Variants in MELTF observed in about 807,000 individuals in gnomAD.
MELTF encodes the protein antigen p97 (melanoma associated) identified by monoclonal antibodies 133.2 and 96.5.
In MELTF, 67 loss-of-function variants were observed where a neutral mutation model predicts 83.7. That is an observed-to-expected ratio of 0.80 (90% CI 0.66 to 0.98). MELTF has a LOEUF of 0.98. Among genes scored for constraint, MELTF ranks in the 50% least tolerant of loss-of-function variants. The pLI is 0.00. For synonymous variants in MELTF, 462 were observed against 447.6 expected (o/e 1.03, Z -0.41); for missense variants, 1,002 against 1,035.6 (o/e 0.97, Z 0.44).
In MELTF at chr3:197,006,078, A is replaced by G. The variant is rs1231791309; in HGVS notation, c.1938+471T>C. Reference sequence around the variant, plus strand: ...TACTAAAAAATAGAAAAAATTAGCCAGGCATGGTGGCGGGTGCCTGTAGTC... The same window carrying G: ...TACTAAAAAATAGAAAAAATTAGCCGGGCATGGTGGCGGGTGCCTGTAGTC... On this transcript the variant is annotated intron_variant, in intron 14 of 15. Transcript: ENST00000296350. The surrounding 1 kb of genome is among the most constrained non-coding windows in gnomAD (Gnocchi z 5.4). Among the ~76,000 whole-genome samples the G allele has an allele frequency of 6.6e-6, 1 of 152,094 alleles. No homozygotes were observed.
chr3:197,012,561 T>C (rs1719227580), intron 9 of MELTF, among the ~76,000 whole-genome samples: 1 of 152,254 alleles, frequency 6.6e-6, no homozygotes, highest in Non-Finnish European at 1.5e-5. Context: ...GGCCTGTGCT[T>C]GGGGACCCCC....
chr3:197,015,111 C>T (rs1402962072), intron 9 of MELTF, among the ~76,000 whole-genome samples: 1 of 152,206 alleles, frequency 6.6e-6, no homozygotes, highest in African/African-American at 2.4e-5. Flanking sequence ...CTCCCAGGCT[C>T]TCCAGGGGAC....
Position 197,006,598 on chromosome 3 carries a change from C to T in MELTF, c.1889G>A (p.Arg630Gln), listed in dbSNP as rs200627482. The T allele has an allele frequency of 1.1e-4, 185 of 1,613,018 alleles. 1 individual carries two copies. Among genetic ancestry groups the T allele is most frequent in the Admixed American group, 8.7e-4 (52 of 59,926 alleles). Reference sequence around the variant, plus strand: ...CACGGTGAAGATGTTGGTGTCGGGCCGGACCATCACGGCGTGGGGTGGTAT... The same window carrying T: ...CACGGTGAAGATGTTGGTGTCGGGCTGGACCATCACGGCGTGGGGTGGTAT... ...AQIPPHAVMV[R>Q]PDTNIFTVYG... The change falls in exon 14 of 16, where the codon CGG (arginine) becomes CAG (glutamine). Residue 630 changes from arginine to glutamine, a missense_variant. Physicochemically the swap from Arg to Gln is conservative, Grantham distance 43. Transcript: ENST00000296350. This position sits in a 1 kb window ranked among gnomAD's most constrained non-coding sequence, Gnocchi z 5.4.
intron 1 of MELTF, chr3:197,028,797 G>A (rs1719964966): frequency 6.5e-6 from 1 of 152,808 alleles, no homozygotes; most frequent in South Asian, 2.1e-4. Flanking sequence ...CTGTGCAGGA[G>A]GGAGGGAAAC....
At position 197,029,737 on chromosome 3, in the gene MELTF, C is replaced by T; in HGVS notation, c.-35G>A. On this transcript the variant is annotated 5_prime_UTR_variant, in exon 1 of 16. Transcript: ENST00000296350. The surrounding 1 kb of genome is among the most constrained non-coding windows in gnomAD (Gnocchi z 6.5). Reference sequence around the variant, plus strand: ...GGGGCTGGCTGGGGCCGGGCTGGGGCTGGGTCCGGGTCCGAGGAGGTCCGC... The same window carrying T: ...GGGGCTGGCTGGGGCCGGGCTGGGGTTGGGTCCGGGTCCGAGGAGGTCCGC... 1.6e-6 allele frequency: 2 copies of T among 1,227,498 alleles called. No individual in the cohort carries two copies. Among genetic ancestry groups the T allele is most frequent in the Non-Finnish European group, 2.0e-6 (2 of 983,950 alleles). The allele number at this position is 1,227,498 out of a possible 1,614,324, so 76.0% of individuals were successfully genotyped here.
In MELTF at chr3:197,003,660, C is replaced by A; in HGVS notation, c.2138-209G>T. 1 of 663,498 alleles carries A rather than the reference C, an allele frequency of 1.5e-6. No individual in the cohort carries two copies. The allele number at this position is 663,498 out of a possible 1,614,324, so 41.1% of individuals were successfully genotyped here. A position where few individuals can be genotyped will look rare whatever the true frequency, so the allele number is the denominator to read the frequency against. On this transcript the variant is annotated intron_variant, in intron 15 of 15. Coordinates refer to ENST00000296350, the MANE Select transcript of MELTF (RefSeq NM_005929.6). This position sits in a 1 kb window ranked among gnomAD's most constrained non-coding sequence, Gnocchi z 6.2. ...TCTCTGCCGTGGCCCCAGATCCTCC[C>A]CGCGCCGCCGTTTTGAGCGTTCACA...
At position 197,003,355 on chromosome 3, in the gene MELTF, G is replaced by C; in HGVS notation, c.*17C>G. The C allele has an allele frequency of 9.3e-7, 1 of 1,071,412 alleles. No individual in the cohort carries two copies. The highest frequency in any genetic ancestry group is 1.1e-6 in the Non-Finnish European group (1 of 886,730). 66.4% of individuals were successfully genotyped at this position (1,071,412 alleles called of 1,614,324 possible). ...TCCCCGGGCGGGCATCGGAGCTCTG[G>C]GGCGGGGCGGCCGGGCTCAGAGGGC... is the stretch of plus-strand genomic sequence containing the variant. On this transcript the variant is annotated 3_prime_UTR_variant, in exon 16 of 16. Transcript: ENST00000296350. This position sits in a 1 kb window ranked among gnomAD's most constrained non-coding sequence, Gnocchi z 6.2.
At position 197,024,562 on chromosome 3, in the gene MELTF, G is replaced by A; in HGVS notation, c.305-77C>T. On this transcript the variant is annotated intron_variant, in intron 3 of 15. Transcript: ENST00000296350. This position sits in a 1 kb window ranked among gnomAD's most constrained non-coding sequence, Gnocchi z 5.3. ...GCTGCACCAGCACCCTGCCTGGGCG[G>A]GCTGTGGGAGAGGTGTGTGCACGGA... 3 of 1,358,780 alleles carry A rather than the reference G, an allele frequency of 2.2e-6. No homozygotes were observed. Among genetic ancestry groups the A allele is most frequent in the Non-Finnish European group, 3.0e-6 (3 of 993,664 alleles). The allele number at this position is 1,358,780 out of a possible 1,614,324, so 84.2% of individuals were successfully genotyped here.
chr3:197,006,533 C>A lies in MELTF; in HGVS notation c.1938+16G>T. On this transcript the variant is annotated intron_variant, in intron 14 of 15. Transcript: ENST00000296350. The surrounding 1 kb of genome is among the most constrained non-coding windows in gnomAD (Gnocchi z 5.4). ...TGCTGCACACCCCTCAATGAGGTAG[C>A]CCCACCCTGGCTCACCTGGGCCTTG... is the stretch of plus-strand genomic sequence containing the variant. 1 of 1,607,704 alleles carries A rather than the reference C, an allele frequency of 6.2e-7. No individual in the cohort carries two copies. Among genetic ancestry groups the A allele is most frequent in the Non-Finnish European group, 8.5e-7 (1 of 1,177,028 alleles).
intron 1 of MELTF, chr3:197,028,152 G>C (rs1719941931): frequency 3.9e-6 from 2 of 507,654 alleles, no homozygotes; most frequent in Non-Finnish European, 7.1e-6. Context: ...TCAGAACCCG[G>C]CCCTTTATGG....
In MELTF at chr3:197,029,649, C is replaced by A; in HGVS notation, c.49+5G>T. Reference sequence around the variant, plus strand: ...CCGCCTTTGGCTCTCACAGCGGGGCCTCACCGGTGCGCAGAGCCAGGAGCA... The same window carrying A: ...CCGCCTTTGGCTCTCACAGCGGGGCATCACCGGTGCGCAGAGCCAGGAGCA... On this transcript the variant is annotated splice_donor_5th_base_variant and intron_variant, in intron 1 of 15. Coordinates refer to ENST00000296350, the MANE Select transcript of MELTF (RefSeq NM_005929.6). The surrounding 1 kb of genome is among the most constrained non-coding windows in gnomAD (Gnocchi z 6.5). 8.0e-7 allele frequency: 1 copy of A among 1,245,854 alleles called. No individual in the cohort carries two copies. The highest frequency in any genetic ancestry group is 1.0e-6 in the Non-Finnish European group (1 of 996,596). 77.2% of individuals were successfully genotyped at this position (1,245,854 alleles called of 1,614,324 possible).
At chr3:197,004,290 A>G in intron 14 of MELTF, 191 bp from the exon 15 acceptor site, 1 of 621,668 alleles carries the variant, frequency 1.6e-6, no homozygotes. Flanking sequence ...GGGTGTGGGG[A>G]CACTAGGCCC....
Position 197,019,212 on chromosome 3 carries a change from G to C in MELTF, c.713-1922C>G, listed in dbSNP as rs547775613. ...CCGCTTCCCAACTTTCCTGTTTTTC[G>C]GCGGCTGCAAAACCTTTGGTTAGAG... On this transcript the variant is annotated intron_variant, in intron 6 of 15. Coordinates refer to ENST00000296350, the MANE Select transcript of MELTF (RefSeq NM_005929.6). 6.8e-5 allele frequency: 68 copies of C among 1,001,080 alleles called. No homozygotes were observed. In the South Asian group the frequency reaches 2.2e-3, roughly 33 times the overall value. The allele number at this position is 1,001,080 out of a possible 1,614,324, so 62.0% of individuals were successfully genotyped here.
At chr3:197,012,824 G>T (rs955556644) in intron 9 of MELTF, among the ~76,000 whole-genome samples, 3 of 152,226 alleles carry the variant, frequency 2.0e-5, no homozygotes, top group Non-Finnish European at 4.4e-5. Flanking sequence ...ATTCATGGGG[G>T]CCAAATCGAG....
In MELTF at chr3:197,024,550, C is replaced by A; in HGVS notation, c.305-65G>T. 1.4e-6 allele frequency: 2 copies of A among 1,441,160 alleles called. No homozygotes were observed. The highest frequency in any genetic ancestry group is 1.9e-6 in the Non-Finnish European group (2 of 1,065,192). 89.3% of individuals were successfully genotyped at this position (1,441,160 alleles called of 1,614,324 possible). ...GCCTCGAGAGAGGCTGCACCAGCAC[C>A]CTGCCTGGGCGGGCTGTGGGAGAGG... On this transcript the variant is annotated intron_variant, in intron 3 of 15. Coordinates refer to ENST00000296350, the MANE Select transcript of MELTF (RefSeq NM_005929.6). The surrounding 1 kb of genome is among the most constrained non-coding windows in gnomAD (Gnocchi z 5.3).
rs566952600 is a variant in MELTF, at chr3:197,014,504, C to A, written c.1233+861G>T. On this transcript the variant is annotated intron_variant, in intron 9 of 15. Coordinates refer to ENST00000296350, the MANE Select transcript of MELTF (RefSeq NM_005929.6). The stretch of plus-strand genomic sequence containing the variant: ...CCGGGTCCAAGCGATTCTCCTGCCT[C>A]AGCCTCCCAAGTAGTTGGGATTACA... 4.0e-5 allele frequency among the ~76,000 whole-genome samples: 6 copies of A among 151,314 alleles called. No individual in the cohort carries two copies. The East Asian group carries it at 1.2e-3, about 29-fold the overall frequency.
In MELTF at chr3:197,008,517, C is replaced by A; in HGVS notation, c.1750+140G>T. On this transcript the variant is annotated intron_variant, in intron 13 of 15. Coordinates refer to ENST00000296350, the MANE Select transcript of MELTF (RefSeq NM_005929.6). The surrounding 1 kb of genome is among the most constrained non-coding windows in gnomAD (Gnocchi z 5.4). ...ACCCTGTGACCCTTGGGGCTCCCAG[C>A]TTCCCAGGGGGCACAGCCTTCTAGA... The A allele has an allele frequency of 1.1e-6, 1 of 929,246 alleles. No individual in the cohort carries two copies. The highest frequency in any genetic ancestry group is 2.6e-5 in the East Asian group (1 of 38,506). The allele number at this position is 929,246 out of a possible 1,614,324, so 57.6% of individuals were successfully genotyped here.
In MELTF at chr3:197,009,691, T is replaced by C. The variant is rs372394550; in HGVS notation, c.1452A>G (p.Ala484=). Residue 484 remains alanine (A), a synonymous_variant, in exon 11 of 16, where the codon GCA becomes GCG. Coordinates refer to ENST00000296350, the MANE Select transcript of MELTF (RefSeq NM_005929.6). ...GGGCACCCACGGGGACATCCCAGCCTGCAGGGCTGCCGAAACCGGCGTGGC... is the reference window on the plus strand; with the variant it reads ...GGGCACCCACGGGGACATCCCAGCCCGCAGGGCTGCCGAAACCGGCGTGGC... ...RSCHAGFGSP[A]GWDVPVGALI... is the part of the protein sequence containing the mutation. 5 of 1,613,772 alleles carry C rather than the reference T, an allele frequency of 3.1e-6. No individual in the cohort carries two copies. The Middle Eastern group carries it at 6.6e-4, about 213-fold the overall frequency.
rs202134267 is a variant in MELTF at position 197,009,595 on chromosome 3, C to T, written c.1525+23G>A. The T allele has an allele frequency of 1.2e-4, 189 of 1,591,750 alleles. 2 individuals are homozygous for T. In the African/African-American group the frequency reaches 1.6e-3, roughly 14 times the overall value. On this transcript the variant is annotated intron_variant, in intron 11 of 15. Coordinates refer to ENST00000296350, the MANE Select transcript of MELTF (RefSeq NM_005929.6). ...CCCCAGAGAAGGCTTCCCCAGTCTG[C>T]GTTCCTAAAAAGGGGGGGGTACCTG...
Sources: allele counts gnomAD v4.1 joint callset (sites outside exome capture counted in the v4.1 genomes callset), GRCh38; gene constraint gnomAD v4.1.1; non-coding constraint Gnocchi (gnomAD v3.1); transcripts MANE v1.5; gene names NCBI Gene and HGNC (gene_info 2026-07-23, HGNC 2026-07-21).